DNAJC6: variants seen among roughly 807,000 people sequenced by gnomAD.
DNAJC6 encodes the protein auxilin.
A neutral mutation model predicts 110.0 loss-of-function variants in DNAJC6; 34 were observed. That is an observed-to-expected ratio of 0.31 (90% confidence interval 0.24 to 0.41). The LOEUF is 0.41. Ranked by LOEUF, DNAJC6 falls within the 10% of genes least tolerant of loss-of-function variation. The probability of loss-of-function intolerance (pLI) is 1.00; values close to 1 mark genes in which losing one functional copy is unlikely to be tolerated. For synonymous variants in DNAJC6, 406 were observed against 437.2 expected, an observed-to-expected ratio of 0.93 and a Z score of 0.89; for missense variants, 1,031 against 1,207.8, an observed-to-expected ratio of 0.85 and a Z score of 2.17.
chr1:65,365,738 TC>T lies in DNAJC6; in HGVS notation c.345-145del, dbSNP rs1165221670. On this transcript the variant is annotated intron_variant, in intron 2 of 18. Coordinates refer to ENST00000371069, the MANE Select transcript of DNAJC6 (RefSeq NM_001256864.2). ...CGGGCTTTCTTTTCTCAGTGATCCT[TC>T]CTTGTTGGAGAGAAGGGCTGGAGGG... The T allele has an allele frequency of 8.2e-6, 7 of 848,916 alleles. No homozygotes were observed. The East Asian group carries it at 1.7e-4, about 21-fold the overall frequency. The allele number at this position is 848,916 out of a possible 1,614,324, so 52.6% of individuals were successfully genotyped here.
upstream of DNAJC6, among the ~76,000 whole-genome samples, chr1:65,305,684 T>C (rs1215219713): frequency 6.6e-6 from 1 of 152,100 alleles, no homozygotes; most frequent in Non-Finnish European, 1.5e-5. Context: ...CCAAATCCAA[T>C]AGGAAATACA....
At chr1:65,340,026 G>T (rs1021059192) in intron 1 of DNAJC6, among the ~76,000 whole-genome samples, 15 of 152,214 alleles carry the variant, frequency 9.9e-5, no homozygotes, top group Non-Finnish European at 1.9e-4. Context: ...GAGTCATGGG[G>T]TCACCCAGAG....
chr1:65,369,048 G>A (rs1645680702), intron 4 of DNAJC6, among the ~76,000 whole-genome samples: 1 of 152,014 alleles, frequency 6.6e-6, no homozygotes, highest in African/African-American at 2.4e-5. Context: ...GGGATTATAG[G>A]TGTGAGCCAC....
In DNAJC6 at chr1:65,408,781, A is replaced by C. The variant is rs758040275; in HGVS notation, c.2632A>C (p.Lys878Gln). 22 of 1,612,422 alleles carry C rather than the reference A, an allele frequency of 1.4e-5. No individual in the cohort carries two copies. The highest frequency in any genetic ancestry group is 4.0e-5 in the African/African-American group (3 of 74,648). The change falls in exon 17 of 19, where the codon AAG becomes CAG. Residue 878 changes from lysine (K) to glutamine (Q), a missense_variant and splice_region_variant. Lys to Gln is a moderately conservative substitution (Grantham distance 53). Transcript: ENST00000371069. Reference protein sequence around the residue: ...MAKEMDPEKLKILEWIEGKER... With the variant: ...MAKEMDPEKLQILEWIEGKER... ...CAAGGAAATGGATCCTGAGAAATTAAAGGTGAGTGAGGCCCCTGACGCAGC... is the reference window on the plus strand; with the variant it reads ...CAAGGAAATGGATCCTGAGAAATTACAGGTGAGTGAGGCCCCTGACGCAGC...
intron 1 of DNAJC6, among the ~76,000 whole-genome samples, chr1:65,289,433 A>G (rs894407929): frequency 4.6e-5 from 7 of 152,020 alleles, no homozygotes; most frequent in Admixed American, 2.6e-4. Flanking sequence ...CTGACTTCTG[A>G]TCCACCCGCC....
At chr1:65,333,984 A>T (rs765581299) in intron 1 of DNAJC6, among the ~76,000 whole-genome samples, 10 of 152,234 alleles carry the variant, frequency 6.6e-5, no homozygotes, top group Non-Finnish European at 1.3e-4. Context: ...TATCTAATTT[A>T]TTCACTATAA....
chr1:65,303,965 G>T (rs1442957442), intron 1 of DNAJC6, among the ~76,000 whole-genome samples: 1 of 152,124 alleles, frequency 6.6e-6, no homozygotes, highest in Non-Finnish European at 1.5e-5. Flanking sequence ...TCTTTAGGCT[G>T]CCTCAGTGGC....
At chr1:65,308,164 T>C (rs1440699812), upstream of DNAJC6, among the ~76,000 whole-genome samples, 1 of 152,168 alleles carries the variant, frequency 6.6e-6, no homozygotes, top group East Asian at 1.9e-4. Context: ...GTCTCTTAGA[T>C]GCTATTGTTT....
intron 4 of DNAJC6, among the ~76,000 whole-genome samples, chr1:65,376,623 T>C (rs1235018836): frequency 1.3e-5 from 2 of 151,814 alleles, no homozygotes; most frequent in Non-Finnish European, 2.9e-5. Context: ...ATTTCCTTCC[T>C]AATTTCTTCA....
chr1:65,378,801 A>G (rs1645791055), intron 4 of DNAJC6, among the ~76,000 whole-genome samples: 1 of 152,222 alleles, frequency 6.6e-6, no homozygotes. Context: ...CCTGTCTTAG[A>G]TGATTGTTGC....
In DNAJC6 at chr1:65,408,675, A is replaced by G. The variant is rs753691766; in HGVS notation, c.2526A>G (p.Leu842=). ...AAAAAGCAGCTGATTTTGAAGACCT[A>G]CTCTCTGGTCAAGGTTTCAATGCTC... ...GKQKAADFED[L]LSGQGFNAHK... Residue 842 remains leucine, a synonymous_variant, in exon 17 of 19, where the codon CTA becomes CTG. Transcript: ENST00000371069. 70 of 1,613,798 alleles carry G rather than the reference A, an allele frequency of 4.3e-5. No homozygotes were observed. Among genetic ancestry groups the G allele is most frequent in the Non-Finnish European group, 5.8e-5 (68 of 1,179,946 alleles).
chr1:65,342,064 C>T (rs144691488), intron 1 of DNAJC6, among the ~76,000 whole-genome samples: 1 of 152,154 alleles, frequency 6.6e-6, no homozygotes, highest in Non-Finnish European at 1.5e-5. Context: ...CCAAGGTCTG[C>T]CTTTTTTGTT....
At chr1:65,374,754 A>G (rs183878643) in intron 4 of DNAJC6, among the ~76,000 whole-genome samples, 18 of 152,136 alleles carry the variant, frequency 1.2e-4, no homozygotes, top group South Asian at 2.1e-4. Context: ...CTTCCTTTCC[A>G]ATTTAGATGT....
chr1:65,309,503 G>T (rs953542132), upstream of DNAJC6: 3 of 805,990 alleles, frequency 3.7e-6, 1 homozygote, highest in Non-Finnish European at 1.5e-6. Context: ...GCCCCCGCCC[G>T]GCCGCGTCTC....
intron 14 of DNAJC6, among the ~76,000 whole-genome samples, chr1:65,400,024 A>G (rs1646015867): frequency 6.6e-6 from 1 of 152,044 alleles, no homozygotes; most frequent in African/African-American, 2.4e-5. Context: ...CTACAAAAAT[A>G]CAAAAGTTAG....
intron 1 of DNAJC6, among the ~76,000 whole-genome samples, chr1:65,362,418 A>G (rs1480672812): frequency 2.0e-5 from 3 of 152,270 alleles, no homozygotes; most frequent in Admixed American, 2.0e-4. Flanking sequence ...GCAAGTTTTG[A>G]AAAAGAATAG....
chr1:65,382,186 A>T (rs1022920477), intron 5 of DNAJC6, among the ~76,000 whole-genome samples: 1 of 152,242 alleles, frequency 6.6e-6, no homozygotes, highest in African/African-American at 2.4e-5. Flanking sequence ...TTGGTTTGTT[A>T]TGAGCACATA....
At chr1:65,334,504 G>C (rs1419203636) in intron 1 of DNAJC6, among the ~76,000 whole-genome samples, 2 of 152,178 alleles carry the variant, frequency 1.3e-5, no homozygotes, top group Non-Finnish European at 2.9e-5. Context: ...GGTGAGAATG[G>C]GAAGGAAAGC....
At chr1:65,386,079 T>C (rs571867145) in intron 7 of DNAJC6, among the ~76,000 whole-genome samples, 173 bp downstream of exon 7, 22 of 152,302 alleles carry the variant, frequency 1.4e-4, no homozygotes, top group African/African-American at 5.3e-4. Flanking sequence ...AATCAGGGGA[T>C]GTTATGGCCC....
Sources: gnomAD v4.1 joint callset for allele counts (sites outside exome capture counted in the v4.1 genomes callset) on GRCh38, gnomAD v4.1.1 for gene constraint, MANE v1.5 for transcripts, NCBI Gene and HGNC (gene_info 2026-07-23, HGNC 2026-07-21) for gene names.